The following ZNF724 variants were observed in gnomAD, a reference collection of about 807,000 sequenced individuals.
ZNF724 encodes zinc finger protein 724.
ZNF724 carries 14 observed loss-of-function variants against 29.3 expected under a neutral mutation model. The observed-to-expected ratio is 0.48, with a 90% confidence interval of 0.32 to 0.75. ZNF724 has a LOEUF of 0.75. ZNF724 is among the 30% of genes least tolerant of loss of function. ZNF724 has a pLI of 0.04. For missense variants in ZNF724, 557 were observed against 571.2 expected (o/e 0.98, Z 0.25); for synonymous variants, 180 against 193.6 (o/e 0.93, Z 0.58).
At chr19:23,243,046 A>C (rs990509892) in intron 1 of ZNF724, among the ~76,000 whole-genome samples, 6 of 139,844 alleles carry the variant, frequency 4.3e-5, no homozygotes, top group African/African-American at 1.5e-4. Context: ...TCTCAAAAAA[A>C]AAAAAAAAAA....
intron 1 of ZNF724, among the ~76,000 whole-genome samples, chr19:23,247,734 T>C (rs1737235934): frequency 6.6e-6 from 1 of 152,250 alleles, no homozygotes; most frequent in Non-Finnish European, 1.5e-5. Flanking sequence ...ATTTCTGTTT[T>C]CCCCTCAATA....
chr19:23,235,943 A>C (rs1972015707), intron 1 of ZNF724, among the ~76,000 whole-genome samples: 2 of 152,028 alleles, frequency 1.3e-5, no homozygotes, highest in South Asian at 4.1e-4. Flanking sequence ...AGACAAAAAG[A>C]CACTCCCATA....
chr19:23,240,274 ACT>A (rs1972096442), intron 1 of ZNF724, among the ~76,000 whole-genome samples: 1 of 92,998 alleles, frequency 1.1e-5, no homozygotes, highest in Non-Finnish European at 2.3e-5. Context: ...ACAGAGCGAG[ACT>A]CTGTCAAAAA....
At chr19:23,239,001 C>T (rs2096236207) in intron 1 of ZNF724, among the ~76,000 whole-genome samples, 1 of 150,196 alleles carries the variant, frequency 6.7e-6, no homozygotes, top group South Asian at 2.1e-4. Context: ...AAGGAGTAGC[C>T]TTGGGCACAC....
intron 3 of ZNF724, among the ~76,000 whole-genome samples, chr19:23,225,384 CACCT>C (rs1971809206): frequency 6.6e-6 from 1 of 152,094 alleles, no homozygotes; most frequent in Non-Finnish European, 1.5e-5. Context: ...GCGGGTGGAT[CACCT>C]GAGGTCAGGA....
intron 3 of ZNF724, among the ~76,000 whole-genome samples, chr19:23,225,065 G>A (rs114288665): frequency 0.015 from 2,342 of 152,030 alleles, 62 homozygotes; most frequent in African/African-American, 0.052. Context: ...CAAGGATGCA[G>A]CCATTATTTT....
In ZNF724 at chr19:23,223,768, A is replaced by G; in HGVS notation, c.477T>C (p.Asn159=). The change falls in exon 4 of 4, where the codon AAT becomes AAC. Residue 159 remains asparagine (N), a synonymous_variant. Transcript: ENST00000418100. ...TCTTTTCAGTCTTATGTCTATTTGA[A>G]TTTGAAAATTTATGAAAGTCTTTCA... is the stretch of plus-strand genomic sequence containing the variant. ...KYVKDFHKFS[N]SNRHKTEKNP... 1 of 760,106 alleles carries G rather than the reference A, an allele frequency of 1.3e-6. No individual in the cohort carries two copies. Among genetic ancestry groups the G allele is most frequent in the Middle Eastern group, 2.3e-4 (1 of 4,414 alleles). 47.1% of individuals were successfully genotyped at this position (760,106 alleles called of 1,614,324 possible). A position where few individuals can be genotyped will look rare whatever the true frequency, so the allele number is the denominator to read the frequency against.
intron 1 of ZNF724, among the ~76,000 whole-genome samples, chr19:23,238,833 G>C (rs1037213416): frequency 6.6e-6 from 1 of 152,196 alleles, no homozygotes. Flanking sequence ...CTTGAACCCA[G>C]GAGGCAGAGG....
intron 1 of ZNF724, among the ~76,000 whole-genome samples, chr19:23,234,186 G>C (rs1294924481): frequency 6.6e-6 from 1 of 152,102 alleles, no homozygotes; most frequent in African/African-American, 2.4e-5. Flanking sequence ...TCTCATGAAT[G>C]TATCTTGAAC....
intron 3 of ZNF724, among the ~76,000 whole-genome samples, chr19:23,228,877 G>A (rs77259575): frequency 0.14 from 21,340 of 149,124 alleles, 1,548 homozygotes; most frequent in Middle Eastern, 0.23. Context: ...GCGACAGAGC[G>A]AGACTCCAAG....
intron 1 of ZNF724, among the ~76,000 whole-genome samples, chr19:23,240,292 A>G (rs890613499): frequency 6.6e-6 from 1 of 151,914 alleles, no homozygotes; most frequent in Non-Finnish European, 1.5e-5. Flanking sequence ...AAAAAAAAAA[A>G]AAAAAAAAGA....
chr19:23,229,075 A>G (rs1971889985), intron 3 of ZNF724, among the ~76,000 whole-genome samples: 1 of 151,928 alleles, frequency 6.6e-6, no homozygotes, highest in African/African-American at 2.4e-5. Flanking sequence ...AAGAAAAAAA[A>G]AAAGAGAGAT....
intron 3 of ZNF724, among the ~76,000 whole-genome samples, chr19:23,226,130 C>A (rs1290214533): frequency 1.4e-5 from 2 of 145,776 alleles, no homozygotes; most frequent in Non-Finnish European, 3.0e-5. Flanking sequence ...CGGCTCACTG[C>A]AAGCTCTACC....
chr19:23,250,104 C>T (rs1972325229), intron 1 of ZNF724, 136 bp downstream of exon 1: 2 of 523,502 alleles, frequency 3.8e-6, no homozygotes, highest in Middle Eastern at 3.2e-4. Flanking sequence ...GGGACTGAGG[C>T]CCAGCTGGGC....
chr19:23,232,463 ACT>A, intron 1 of ZNF724, among the ~76,000 whole-genome samples, 170 bp from the exon 2 acceptor site: 1 of 152,206 alleles, frequency 6.6e-6, no homozygotes, highest in Admixed American at 6.5e-5. Context: ...GTACTCTCTA[ACT>A]CTGAGAAAAG....
At position 23,250,264 on chromosome 19, in the gene ZNF724, C is replaced by CCT. The variant is rs1237490635; in HGVS notation, c.-24_-23dup. ...CCATTTCTAGGCTTCCAGGGGAGGC[C>CCT]CTGGCGTCTTAGCTGTGGATCTCCC... On this transcript the variant is annotated 5_prime_UTR_variant, in exon 1 of 4. Coordinates refer to ENST00000418100, the MANE Select transcript of ZNF724 (RefSeq NM_001355404.2). 2 of 687,732 alleles carry CCT rather than the reference C, an allele frequency of 2.9e-6. No homozygotes were observed. The highest frequency in any genetic ancestry group is 3.6e-5 in the African/African-American group (2 of 54,830). The allele number at this position is 687,732 out of a possible 1,614,324, so 42.6% of individuals were successfully genotyped here. A position where few individuals can be genotyped will look rare whatever the true frequency, so the allele number is the denominator to read the frequency against.
rs769158536 is a variant in ZNF724 at position 23,223,449 on chromosome 19, A to T, written c.796T>A (p.Ser266Thr). 43 of 765,404 alleles carry T rather than the reference A, an allele frequency of 5.6e-5. No homozygotes were observed. The highest frequency in any genetic ancestry group is 9.7e-5 in the Non-Finnish European group (40 of 411,286). 47.4% of individuals were successfully genotyped at this position (765,404 alleles called of 1,614,324 possible). A position where few individuals can be genotyped will look rare whatever the true frequency, so the allele number is the denominator to read the frequency against. Residue 266 changes from serine to threonine, a missense_variant, in exon 4 of 4, where the codon TCC (serine) becomes ACC (threonine). By Grantham distance (58) the Ser-to-Thr change is moderately conservative. This residue lies in a region of ZNF724 where 362 missense variants were observed against 295.5 expected (regional missense o/e 1.22). Transcript: ENST00000418100. ...ATCTTATGTGTAGTAAGGTGTGAGG[A>T]TATGTTAAAAGCTTTTCCACATTCT... Reference protein sequence around the residue: ...REECGKAFNISSHLTTHKIIH... With the variant: ...REECGKAFNITSHLTTHKIIH...
In ZNF724 at chr19:23,242,990, G is replaced by T. The variant is rs1972158136; in HGVS notation, c.3+7250C>A. 2.2e-5 allele frequency among the ~76,000 whole-genome samples: 3 copies of T among 133,456 alleles called. No homozygotes were observed. The South Asian group carries it at 7.0e-4, about 31-fold the overall frequency. The allele number at this position is 133,456 out of a possible 152,430, so 87.6% of individuals were successfully genotyped here. On this transcript the variant is annotated intron_variant, in intron 1 of 3. Coordinates refer to ENST00000418100, the MANE Select transcript of ZNF724 (RefSeq NM_001355404.2). ...GAAGGCGGAAGTTGCAGTGAGCCAAGATCGTGCCATTGCACTCCAGCCTGG... is the reference window on the plus strand; with the variant it reads ...GAAGGCGGAAGTTGCAGTGAGCCAATATCGTGCCATTGCACTCCAGCCTGG...
intron 1 of ZNF724, among the ~76,000 whole-genome samples, chr19:23,237,976 T>C (rs934237515): frequency 2.0e-5 from 3 of 152,204 alleles, no homozygotes; most frequent in African/African-American, 7.2e-5. Context: ...GTCTTTATCA[T>C]TCTGTATTGC....
Sources: gnomAD v4.1 joint callset for allele counts (sites outside exome capture counted in the v4.1 genomes callset) on GRCh38, gnomAD v4.1.1 for gene constraint, gnomAD v4.1.1 regional missense constraint, MANE v1.5 for transcripts, NCBI Gene and HGNC (gene_info 2026-07-23, HGNC 2026-07-21) for gene names.